The following ATF3 variants were observed in gnomAD, a reference collection of about 807,000 sequenced individuals.
ATF3 encodes cyclic AMP-dependent transcription factor ATF-3.
A neutral mutation model predicts 18.4 loss-of-function variants in ATF3; 10 were observed. That is an observed-to-expected ratio of 0.54 (90% confidence interval 0.34 to 0.92). The LOEUF (loss-of-function observed/expected upper bound fraction) is 0.92, where lower values mean the gene tolerates loss of function less well. Among genes scored for constraint, ATF3 ranks in the 40% least tolerant of loss-of-function variants. ATF3 has a pLI of 0.02. For missense variants in ATF3, 183 were observed against 222.3 expected (o/e 0.82, Z 1.12); for synonymous variants, 78 against 87.9 (o/e 0.89, Z 0.63).
At chr1:212,600,320 A>G (rs910400699) in intron 1 of ATF3, among the ~76,000 whole-genome samples, 25 of 152,188 alleles carry the variant, frequency 1.6e-4, no homozygotes, top group African/African-American at 5.5e-4. Flanking sequence ...ACTGATTATT[A>G]CATCTTCAAA....
chr1:212,570,924 C>T (rs1033323011), intron 1 of ATF3, among the ~76,000 whole-genome samples: 5 of 152,128 alleles, frequency 3.3e-5, no homozygotes, highest in Admixed American at 3.3e-4. Context: ...AAACTATGAA[C>T]ATTGTTGTAA....
chr1:212,569,938 A>T (rs949162690), intron 1 of ATF3, among the ~76,000 whole-genome samples: 2 of 152,168 alleles, frequency 1.3e-5, no homozygotes, highest in African/African-American at 2.4e-5. Flanking sequence ...ATAGTCTTTG[A>T]TATATGTTGC....
chr1:212,606,824 C>T (rs529788437), upstream of ATF3, among the ~76,000 whole-genome samples: 2 of 152,354 alleles, frequency 1.3e-5, no homozygotes, highest in South Asian at 2.1e-4. Flanking sequence ...CGGTGTCCGC[C>T]GGGCTGCTCC....
rs191931076 is a variant in ATF3, at chr1:212,574,182, T to C, written c.-5+8699T>C. ...TTGAAAATAAAAACAAATAAGATTGTAACTTCAACTTTTAGTACAACTTTC... is the reference window on the plus strand; with the variant it reads ...TTGAAAATAAAAACAAATAAGATTGCAACTTCAACTTTTAGTACAACTTTC... On this transcript the variant is annotated intron_variant, in intron 1 of 3. Transcript: ENST00000366981. Among the ~76,000 whole-genome samples, 58 of 152,088 alleles carry C rather than the reference T, an allele frequency of 3.8e-4. 1 individual carries two copies. The highest frequency in any genetic ancestry group is 3.4e-3 in the Admixed American group (52 of 15,302).
chr1:212,608,492 G>A (rs547237860), upstream of ATF3: 132 of 152,888 alleles, frequency 8.6e-4, 1 homozygote, highest in Non-Finnish European at 1.1e-3. Context: ...GAGAGAGAGG[G>A]CGGGCTGGTG....
At chr1:212,604,603 T>C (rs1419313091), upstream of ATF3, among the ~76,000 whole-genome samples, 1 of 152,188 alleles carries the variant, frequency 6.6e-6, no homozygotes, top group Non-Finnish European at 1.5e-5. Context: ...GAAGAAAGGT[T>C]GCAGAAATGG....
intron 1 of ATF3, among the ~76,000 whole-genome samples, chr1:212,614,282 C>G (rs1167467124): frequency 6.6e-6 from 1 of 152,200 alleles, no homozygotes; most frequent in Non-Finnish European, 1.5e-5. Context: ...GAACAACTCC[C>G]CCACAATACA....
At position 212,595,580 on chromosome 1, in the gene ATF3, A is replaced by T. The variant is rs144505619; in HGVS notation, c.-4-19438A>T. ...CGGGGAGTGGCTTTCTCGGACGAAA[A>T]CTGGGAAACCATTACTCGAATTGGG... On this transcript the variant is annotated intron_variant, in intron 1 of 3. Transcript: ENST00000366981. Among the ~76,000 whole-genome samples, 8 of 152,272 alleles carry T rather than the reference A, an allele frequency of 5.3e-5. No individual in the cohort carries two copies. In the East Asian group the frequency reaches 1.5e-3, roughly 29 times the overall value.
chr1:212,616,304 C>CA (rs1655124480), intron 2 of ATF3, among the ~76,000 whole-genome samples: 1 of 150,062 alleles, frequency 6.7e-6, no homozygotes, highest in African/African-American at 2.4e-5. Flanking sequence ...CACACACACA[C>CA]TTTTTTTTTT....
At chr1:212,581,497 G>A (rs889323433) in intron 1 of ATF3, among the ~76,000 whole-genome samples, 6 of 152,160 alleles carry the variant, frequency 3.9e-5, no homozygotes, top group African/African-American at 9.7e-5. Context: ...TGTTGATGAC[G>A]TTGTTTGTGT....
At chr1:212,582,067 G>A (rs961228828) in intron 1 of ATF3, among the ~76,000 whole-genome samples, 1 of 152,154 alleles carries the variant, frequency 6.6e-6, no homozygotes, top group African/African-American at 2.4e-5. Context: ...TCACTTACAG[G>A]ATTGCAAAAT....
intron 1 of ATF3, among the ~76,000 whole-genome samples, chr1:212,602,340 G>A (rs1435558067): frequency 6.6e-6 from 1 of 151,974 alleles, no homozygotes; most frequent in African/African-American, 2.4e-5. Context: ...CAGGTGGAGG[G>A]CAAAAAAGGG....
chr1:212,617,056 A>G (rs1323279567), intron 2 of ATF3, among the ~76,000 whole-genome samples: 1 of 152,144 alleles, frequency 6.6e-6, no homozygotes, highest in Admixed American at 6.5e-5. Context: ...CGGCATATAG[A>G]TGGCACTTAA....
At chr1:212,585,139 A>C (rs1317482) in intron 1 of ATF3, among the ~76,000 whole-genome samples, 122,371 of 152,134 alleles carry the variant, frequency 0.8, 49,294 homozygotes, top group Non-Finnish European at 0.83. Context: ...ATAGTGAGGC[A>C]GATCCACAGG....
intron 1 of ATF3, among the ~76,000 whole-genome samples, chr1:212,583,889 C>T (rs1159510152): frequency 3.3e-5 from 5 of 152,168 alleles, no homozygotes; most frequent in African/African-American, 7.2e-5. Context: ...ATTAGAAATA[C>T]ATAGACTGAC....
chr1:212,618,360 C>A lies in ATF3; in HGVS notation c.348+126C>A. 1.0e-6 allele frequency: 1 copy of A among 965,128 alleles called. No individual in the cohort carries two copies. Among genetic ancestry groups the A allele is most frequent in the Non-Finnish European group, 1.7e-6 (1 of 596,760 alleles). The allele number at this position is 965,128 out of a possible 1,614,324, so 59.8% of individuals were successfully genotyped here. ...TAGTTTCCCAAGAAGGGCCTTGTAG[C>A]TGGTAGCAGAAATGCCAGTTGCAGA... On this transcript the variant is annotated intron_variant, in intron 3 of 3. Transcript: ENST00000341491. This position sits in a 1 kb window ranked among gnomAD's most constrained non-coding sequence, Gnocchi z 4.4.
intron 1 of ATF3, among the ~76,000 whole-genome samples, chr1:212,576,152 T>C (rs1664572756): frequency 6.6e-6 from 1 of 152,158 alleles, no homozygotes; most frequent in African/African-American, 2.4e-5. Context: ...TAAGGCTTAG[T>C]TCTGGTTTTA....
chr1:212,583,926 C>T (rs1033599818), intron 1 of ATF3, among the ~76,000 whole-genome samples: 2 of 152,156 alleles, frequency 1.3e-5, no homozygotes, highest in African/African-American at 4.8e-5. Context: ...TACCAAGTAT[C>T]TACCATATCC....
At chr1:212,583,950 A>G (rs1664732145) in intron 1 of ATF3, among the ~76,000 whole-genome samples, 1 of 152,176 alleles carries the variant, frequency 6.6e-6, no homozygotes, top group Non-Finnish European at 1.5e-5. Context: ...GCTCTCTCCC[A>G]CAGATACAGT....
Sources: allele counts gnomAD v4.1 joint callset (sites outside exome capture counted in the v4.1 genomes callset), GRCh38; gene constraint gnomAD v4.1.1; non-coding constraint Gnocchi (gnomAD v3.1); transcripts MANE v1.5; gene names NCBI Gene and HGNC (gene_info 2026-07-23, HGNC 2026-07-21).